The following UNC79 variants were observed in gnomAD, a reference collection of about 807,000 sequenced individuals.
UNC79 encodes unc-79 subunit of NALCN channel complex.
Under a neutral mutation model 283.1 loss-of-function variants are expected in UNC79, and 37 were observed. That is an observed-to-expected ratio of 0.13 (90% CI 0.10 to 0.17). The LOEUF (loss-of-function observed/expected upper bound fraction) is 0.17. UNC79 is among the 10% of genes least tolerant of loss of function. The pLI is 1.00. For missense variants in UNC79, 2,272 were observed against 3,211.1 expected (o/e 0.71, Z 7.07); for synonymous variants, 1,107 against 1,200.2 (o/e 0.92, Z 1.61).
intron 4 of UNC79, among the ~76,000 whole-genome samples, chr14:93,482,483 C>G (rs1218155959): frequency 1.3e-5 from 2 of 151,974 alleles, no homozygotes; most frequent in Non-Finnish European, 2.9e-5. Flanking sequence ...ATGCTTAAAC[C>G]CTATCTCATG....
chr14:93,334,699 A>T (rs1329534498), intron 1 of UNC79: 1 of 152,232 alleles, frequency 6.6e-6, no homozygotes. Flanking sequence ...GATCAATGCA[A>T]CCTGGTACAT....
intron 31 of UNC79, among the ~76,000 whole-genome samples, chr14:93,636,387 G>T (rs903931999): frequency 6.6e-6 from 1 of 152,080 alleles, no homozygotes; most frequent in African/African-American, 2.4e-5. Context: ...TTCTTGTTTT[G>T]ATTAGCGCCA....
intron 1 of UNC79, among the ~76,000 whole-genome samples, chr14:93,337,198 C>T (rs886675824): frequency 6.6e-6 from 1 of 152,226 alleles, no homozygotes; most frequent in Non-Finnish European, 1.5e-5. Context: ...TCAGCATGCA[C>T]TTCATTCTGA....
At chr14:93,356,994 A>G (rs376795543) in intron 1 of UNC79, among the ~76,000 whole-genome samples, 11 of 152,202 alleles carry the variant, frequency 7.2e-5, no homozygotes, top group African/African-American at 1.9e-4. Context: ...AAGTTTTTCA[A>G]TTCTCACCCT....
At chr14:93,535,920 A>G (rs1298158365) in intron 11 of UNC79, among the ~76,000 whole-genome samples, 1 of 152,152 alleles carries the variant, frequency 6.6e-6, no homozygotes, top group Non-Finnish European at 1.5e-5. Flanking sequence ...TCTTGATGGG[A>G]GGAGTGTGGA....
intron 7 of UNC79, among the ~76,000 whole-genome samples, chr14:93,514,633 A>G (rs1046489496): frequency 2.6e-5 from 4 of 151,946 alleles, no homozygotes; most frequent in African/African-American, 7.3e-5. Flanking sequence ...CTCTACCTTT[A>G]CTCACAAATT....
exon 47 of UNC79, chr14:93,694,385 G>A: frequency 6.2e-7 from 1 of 1,610,734 alleles, no homozygotes; most frequent in Non-Finnish European, 8.5e-7. Context: ...AGGCATTGCA[G>A]GAATGCAATT....
At chr14:93,692,023 G>C in intron 46 of UNC79, 77 bp downstream of exon 49, 1 of 1,505,252 alleles carries the variant, frequency 6.6e-7, no homozygotes, top group Admixed American at 1.7e-5. Flanking sequence ...CACACTCCCT[G>C]TTTTCACAGA....
chr14:93,587,758 G>A (rs1432605047), intron 22 of UNC79, among the ~76,000 whole-genome samples: 1 of 152,098 alleles, frequency 6.6e-6, no homozygotes, highest in East Asian at 1.9e-4. Context: ...ATATAAACTC[G>A]ACAGTCTTGG....
intron 20 of UNC79, among the ~76,000 whole-genome samples, chr14:93,584,863 G>GTT (rs750489858): frequency 4.3e-5 from 6 of 140,264 alleles, no homozygotes; most frequent in Admixed American, 7.2e-5. Context: ...CTCTGGCTAA[G>GTT]TTTTTTTTTT....
chr14:93,695,890 C>CAAAAAAAAAAAAAAAAAAAAAAAAAA lies in UNC79; in HGVS notation c.7548+1498_7548+1499insAAAAAAAAAAAAAAAAAAAAAAAAAA, dbSNP rs535235954. Among the ~76,000 whole-genome samples the CAAAAAAAAAAAAAAAAAAAAAAAAAA allele has an allele frequency of 5.8e-4, 23 of 39,422 alleles. 1 individual carries two copies. The highest frequency in any genetic ancestry group is 1.4e-3 in the East Asian group (2 of 1,382). 25.9% of individuals were successfully genotyped at this position (39,422 alleles called of 152,430 possible). On this transcript the variant is annotated intron_variant, in intron 47 of 48. Coordinates refer to ENST00000555664, the Ensembl canonical transcript of UNC79. ...TGGGCAACAGGATGAGACTTTGTCT[C>CAAAAAAAAAAAAAAAAAAAAAAAAAA]AAAAAAAAAAAAAAAAAAAAGCAAA...
Position 93,387,318 on chromosome 14 carries a change from G to C in UNC79, c.-351+53795G>C, listed in dbSNP as rs113489514. Among the ~76,000 whole-genome samples the C allele has an allele frequency of 8.2e-3, 1,253 of 151,884 alleles. 20 individuals are homozygous for C. The highest frequency in any genetic ancestry group is 0.029 in the African/African-American group (1,198 of 41,458). ...TGTTGTTGCCTTTCTAGTTCTTTAA[G>C]GTGTATCATTAGGTGGTTTTTTTGA... On this transcript the variant is annotated intron_variant, in intron 1 of 49. Coordinates refer to the UNC79 transcript ENST00000256339.
At chr14:93,365,492 A>G (rs1022113855) in intron 1 of UNC79, among the ~76,000 whole-genome samples, 1 of 152,154 alleles carries the variant, frequency 6.6e-6, no homozygotes, top group Non-Finnish European at 1.5e-5. Context: ...TAGAACTAAT[A>G]CTGAGAACTC....
At chr14:93,508,704 C>G (rs2059669200) in intron 7 of UNC79, among the ~76,000 whole-genome samples, 1 of 152,076 alleles carries the variant, frequency 6.6e-6, no homozygotes, top group South Asian at 2.1e-4. Flanking sequence ...GTAAGGAAAT[C>G]CAATTGAGTT....
At chr14:93,541,297 G>A (rs972320487) in intron 13 of UNC79, among the ~76,000 whole-genome samples, 6 of 152,178 alleles carry the variant, frequency 3.9e-5, no homozygotes, top group Admixed American at 1.3e-4. Context: ...CACCAGAGAC[G>A]TTATAGCCAA....
chr14:93,581,878 A>G (rs761686699), intron 19 of UNC79, among the ~76,000 whole-genome samples: 9 of 152,216 alleles, frequency 5.9e-5, no homozygotes, highest in Non-Finnish European at 1.2e-4. Flanking sequence ...ATGGGTGAGA[A>G]TGACTTGATG....
intron 1 of UNC79, among the ~76,000 whole-genome samples, chr14:93,336,427 C>T (rs552527643): frequency 7.7e-4 from 117 of 152,170 alleles, no homozygotes; most frequent in African/African-American, 2.7e-3. Flanking sequence ...GTGCAACCTC[C>T]GCCTCCTGGG....
chr14:93,692,336 A>C (rs2074760089), intron 46 of UNC79, among the ~76,000 whole-genome samples: 1 of 152,212 alleles, frequency 6.6e-6, no homozygotes, highest in Non-Finnish European at 1.5e-5. Flanking sequence ...TTTTATATTG[A>C]TATATGAATA....
chr14:93,528,669 A>G, intron 9 of UNC79, 23 bp downstream of exon 9: 1 of 1,602,092 alleles, frequency 6.2e-7, no homozygotes, highest in Non-Finnish European at 8.5e-7. Context: ...GTTCTTAAAG[A>G]AAAGGAAATA....
Sources: allele counts gnomAD v4.1 joint callset (sites outside exome capture counted in the v4.1 genomes callset), GRCh38; gene constraint gnomAD v4.1.1; transcripts MANE v1.5; gene names NCBI Gene and HGNC (gene_info 2026-07-23, HGNC 2026-07-21).